The following UNC119 variants were observed in gnomAD, a reference collection of about 807,000 sequenced individuals.
UNC119 encodes the protein unc-119 lipid binding chaperone.
Under a neutral mutation model 22.6 loss-of-function variants are expected in UNC119, and 15 were observed. That is an observed-to-expected ratio of 0.66 (90% CI 0.44 to 1.02). The LOEUF (loss-of-function observed/expected upper bound fraction) is 1.02, where lower values mean the gene tolerates loss of function less well. Ranked by LOEUF, UNC119 falls within the 50% of genes least tolerant of loss-of-function variation. UNC119 has a pLI of 0.00. For synonymous variants in UNC119, 138 were observed against 139.4 expected, an observed-to-expected ratio of 0.99 and a Z score of 0.07; for missense variants, 322 against 336.0, an observed-to-expected ratio of 0.96 and a Z score of 0.33.
At chr17:28,552,258 C>T in intron 1 of UNC119, 80 bp downstream of exon 1, 1 of 1,368,942 alleles carries the variant, frequency 7.3e-7, no homozygotes, top group Admixed American at 2.1e-5. Context: ...GGGCGGGGGC[C>T]AGGGCTTGGC....
chr17:28,552,595 G>A lies in UNC119; in HGVS notation c.-38C>T, dbSNP rs886052766. On this transcript the variant is annotated 5_prime_UTR_variant, in exon 1 of 5. Coordinates refer to ENST00000335765, the MANE Select transcript of UNC119 (RefSeq NM_005148.4). ...CCGAGGCTCGCCTGCTGCTGCCGCC[G>A]CTGCCTGCGCCGGCTGGAGCCGGGG... The A allele has an allele frequency of 2.0e-6, 3 of 1,473,178 alleles. No individual in the cohort carries two copies. Among genetic ancestry groups the A allele is most frequent in the East Asian group, 2.9e-5 (1 of 34,772 alleles). The allele number at this position is 1,473,178 out of a possible 1,614,324, so 91.3% of individuals were successfully genotyped here.
rs1449809472 is a variant in UNC119 at position 28,548,056 on chromosome 17, C to T, written c.380G>A (p.Arg127His). 11 of 1,613,736 alleles carry T rather than the reference C, an allele frequency of 6.8e-6. No homozygotes were observed. The highest frequency in any genetic ancestry group is 3.3e-5 in the South Asian group (3 of 91,092). ...AGGCGTGAACTGGTAGCGGACAAAG[C>T]GCCCAGCATTGGGGTCCAGGTCCCG... The part of the protein sequence containing the change: ...NRRDLDPNAG[R>H]FVRYQFTPAF... Residue 127 changes from arginine to histidine, a missense_variant, in exon 3 of 5, where the codon CGC (arginine) becomes CAC (histidine). Physicochemically the swap from Arg to His is conservative, Grantham distance 29 (BLOSUM62 0). Transcript: ENST00000335765.
intron 2 of UNC119, 43 bp from the exon 3 acceptor site, chr17:28,548,144 G>T (rs369842738): frequency 5.7e-5 from 89 of 1,570,318 alleles, no homozygotes; most frequent in Admixed American, 4.0e-4. Context: ...TTCAGGCTGG[G>T]CCCTTGTCCA....
chr17:28,550,562 C>T (rs1354945346), intron 1 of UNC119: 7 of 152,260 alleles, frequency 4.6e-5, no homozygotes, highest in African/African-American at 1.7e-4. Flanking sequence ...GGGCTCAGAA[C>T]ACAACTGCTC....
chr17:28,552,060 C>G, intron 1 of UNC119: 1 of 643,452 alleles, frequency 1.6e-6, no homozygotes, highest in South Asian at 1.5e-5. Context: ...TGCTGCCGCA[C>G]GTACCTCCAC....
intron 1 of UNC119, chr17:28,551,976 C>T (rs1348675955): frequency 2.3e-6 from 1 of 431,112 alleles, no homozygotes; most frequent in African/African-American, 2.1e-5. Flanking sequence ...GCACTCAGCC[C>T]CTCTCTTCAT....
At chr17:28,549,571 G>C (rs2070248978) in intron 1 of UNC119, 1 of 152,466 alleles carries the variant, frequency 6.6e-6, no homozygotes, top group South Asian at 2.1e-4. Context: ...CCCCCTTAGA[G>C]GTCATTTACG....
At chr17:28,548,450 G>GC (rs572491944) in intron 2 of UNC119, 142 bp downstream of exon 2, 7 of 693,436 alleles carry the variant, frequency 1.0e-5, no homozygotes, top group African/African-American at 9.0e-5. Context: ...AAAAGAAAGG[G>GC]CCCCCCTGCC....
chr17:28,547,679 A>G lies in UNC119; in HGVS notation c.608T>C (p.Leu203Pro). The G allele has an allele frequency of 6.2e-7, 1 of 1,614,164 alleles. No homozygotes were observed. Among genetic ancestry groups the G allele is most frequent in the Non-Finnish European group, 8.5e-7 (1 of 1,180,032 alleles). ...CCCAGAAGACCCTGCCCGCGCACTC[A>G]GCTCCTCGGAGAGAGGGGGGAAGTC... ...IYDFPPLSEE[L>P]ISEMIRHPYE... Residue 203 changes from leucine to proline, a missense_variant and splice_region_variant, in exon 4 of 5, where the codon CTG becomes CCG. By Grantham distance (98) the Leu-to-Pro change is moderately conservative. Coordinates refer to ENST00000335765, the MANE Select transcript of UNC119 (RefSeq NM_005148.4).
intron 4 of UNC119, 32 bp from the exon 5 acceptor site, chr17:28,547,441 G>A (rs1479522879): frequency 8.7e-6 from 14 of 1,611,768 alleles, no homozygotes; most frequent in Admixed American, 1.7e-5. Context: ...GCCGGGCAAA[G>A]GTCAGGAGCT....
intron 1 of UNC119, chr17:28,550,187 C>T (rs189197236): frequency 6.6e-6 from 1 of 152,366 alleles, no homozygotes; most frequent in East Asian, 1.9e-4. Context: ...CCCTATCTCA[C>T]CCCATTCACC....
rs761371315 is a variant in UNC119 at position 28,547,744 on chromosome 17, G to A, written c.543C>T (p.Phe181=). The change falls in exon 4 of 5, where the codon TTC becomes TTT. Residue 181 remains phenylalanine, a synonymous_variant. Coordinates refer to ENST00000335765, the MANE Select transcript of UNC119 (RefSeq NM_005148.4). ...LLKSFDFHFG[F]CIPSSKNTCE... ...AGGTGTTCTTGCTGCTGGGGATGCAGAAGCCAAAGTGGAAGTCGAAGCTTT... is the reference window on the plus strand; with the variant it reads ...AGGTGTTCTTGCTGCTGGGGATGCAAAAGCCAAAGTGGAAGTCGAAGCTTT... 4.3e-6 allele frequency: 7 copies of A among 1,614,230 alleles called. No homozygotes were observed. The highest frequency in any genetic ancestry group is 4.2e-6 in the Non-Finnish European group (5 of 1,180,046).
chr17:28,549,870 G>A lies in UNC119; in HGVS notation c.221-1165C>T, dbSNP rs116527671. ...AGCTGAGAGGTGCAGGGAGGGACTC[G>A]TGCTGTCAGCCTGCACAGCATCACA... On this transcript the variant is annotated intron_variant, in intron 1 of 4. Transcript: ENST00000335765. 241 of 152,332 alleles carry A rather than the reference G, an allele frequency of 1.6e-3. 2 individuals are homozygous for A. The highest frequency in any genetic ancestry group is 5.0e-3 in the African/African-American group (209 of 41,574). The allele number at this position is 152,332 out of a possible 1,614,324, so 9.4% of individuals were successfully genotyped here.
At chr17:28,547,547 A>G in intron 4 of UNC119, 130 bp downstream of exon 4, 2 of 1,593,468 alleles carry the variant, frequency 1.3e-6, no homozygotes, top group East Asian at 2.3e-5. Flanking sequence ...ATGATATGGG[A>G]ATGGTGGCAG....
intron 1 of UNC119, chr17:28,550,672 C>A (rs185873841): frequency 6.6e-6 from 1 of 152,322 alleles, no homozygotes; most frequent in Admixed American, 6.5e-5. Flanking sequence ...CAGAAGAGAC[C>A]AGGCAAGGGG....
rs141782779 is a variant in UNC119 at position 28,548,032 on chromosome 17, G to A, written c.404C>T (p.Pro135Leu). ...AGRFVRYQFT[P>L]AFLRLRQVGA... ...CACCTGCCTCAGGCGGAGGAAGGCA[G>A]GCGTGAACTGGTAGCGGACAAAGCG... The change falls in exon 3 of 5, where the codon CCT (proline) becomes CTT (leucine). Residue 135 changes from proline to leucine, a missense_variant. Pro to Leu is a moderately conservative substitution (Grantham distance 98). Transcript: ENST00000335765. 2 of 1,613,808 alleles carry A rather than the reference G, an allele frequency of 1.2e-6. No individual in the cohort carries two copies. Among genetic ancestry groups the A allele is most frequent in the African/African-American group, 2.7e-5 (2 of 74,946 alleles).
chr17:28,549,135 CTCT>C (rs2070244707), intron 1 of UNC119: 2 of 178,510 alleles, frequency 1.1e-5, no homozygotes, highest in African/African-American at 4.7e-5. Flanking sequence ...TCTGACCTGT[CTCT>C]TCTACTGCAA....
chr17:28,552,007 A>G, intron 1 of UNC119: 4 of 531,100 alleles, frequency 7.5e-6, no homozygotes, highest in South Asian at 6.4e-5. Context: ...ACGGGCCTCA[A>G]AGCGCTCTGG....
chr17:28,548,206 C>A (rs368579658), intron 2 of UNC119, 105 bp from the exon 3 acceptor site: 1 of 1,196,424 alleles, frequency 8.4e-7, no homozygotes, highest in Non-Finnish European at 1.2e-6. Context: ...TTAAACTCCC[C>A]AAGAAATTCC....
Sources: gnomAD v4.1 joint callset for allele counts on GRCh38, gnomAD v4.1.1 for gene constraint, MANE v1.5 for transcripts, NCBI Gene and HGNC (gene_info 2026-07-23, HGNC 2026-07-21) for gene names.